Variants in PRSS12 observed in about 807,000 individuals in gnomAD.
The protein encoded by PRSS12 is neurotrypsin.
Under a neutral mutation model 104.4 loss-of-function variants are expected in PRSS12, and 85 were observed. The observed-to-expected ratio is 0.81, with a 90% CI of 0.68 to 0.98. The LOEUF (loss-of-function observed/expected upper bound fraction) is 0.98, where lower values mean the gene tolerates loss of function less well. Among genes scored for constraint, PRSS12 ranks in the 50% least tolerant of loss-of-function variants. PRSS12 has a pLI of 0.00. For synonymous variants in PRSS12, 454 were observed against 425.2 expected (o/e 1.07, Z -0.83); for missense variants, 1,141 against 1,139.2 (o/e 1.00, Z -0.02).
chr4:118,281,542 TAC>T lies in PRSS12; in HGVS notation c.*392_*393del. ...TGCCACTCATGAGTGTAGTAAAGGG[TAC>T]CGCATTTATGTCAAATGTGGGTATT... On this transcript the variant is annotated 3_prime_UTR_variant, in exon 13 of 13. Coordinates refer to ENST00000296498, the MANE Select transcript of PRSS12 (RefSeq NM_003619.4). 1 of 288,926 alleles carries T rather than the reference TAC, an allele frequency of 3.5e-6. No homozygotes were observed. The allele number at this position is 288,926 out of a possible 1,614,324, so 17.9% of individuals were successfully genotyped here.
At chr4:118,328,799 T>C (rs1374333831) in intron 4 of PRSS12, among the ~76,000 whole-genome samples, 2 of 152,094 alleles carry the variant, frequency 1.3e-5, no homozygotes, top group African/African-American at 4.8e-5. Flanking sequence ...AATTTTTTCT[T>C]TTTCCTTTTC....
Position 118,352,454 on chromosome 4 carries a change from G to A in PRSS12, c.267C>T (p.His89=). ...ALQAGHTPRP[H]PWGCPAGEPW... ...GCTCGCCGGCGGGGCAGCCCCAGGG[G>A]TGCGGCCGGGGCGTGTGCCCGGCCT... The change falls in exon 1 of 13, where the codon CAC becomes CAT. Residue 89 remains histidine, a synonymous_variant. Transcript: ENST00000296498. 3 of 1,433,554 alleles carry A rather than the reference G, an allele frequency of 2.1e-6. No homozygotes were observed. The highest frequency in any genetic ancestry group is 2.7e-6 in the Non-Finnish European group (3 of 1,100,102). The allele number at this position is 1,433,554 out of a possible 1,614,324, so 88.8% of individuals were successfully genotyped here.
intron 4 of PRSS12, among the ~76,000 whole-genome samples, chr4:118,319,203 G>A (rs1723539342): frequency 6.6e-6 from 1 of 152,096 alleles, no homozygotes; most frequent in Admixed American, 6.6e-5. Flanking sequence ...AGGAATACAG[G>A]TATATGCCAC....
intron 4 of PRSS12, among the ~76,000 whole-genome samples, chr4:118,324,509 AAATACATT>A (rs1191349831): frequency 6.6e-6 from 1 of 152,056 alleles, no homozygotes; most frequent in Non-Finnish European, 1.5e-5. Flanking sequence ...ATTGTGTTTC[AAATACATT>A]AATTATTACA....
Position 118,352,846 on chromosome 4 carries a change from G to T in PRSS12, c.-126C>A. On this transcript the variant is annotated 5_prime_UTR_variant, in exon 1 of 13. Coordinates refer to ENST00000296498, the MANE Select transcript of PRSS12 (RefSeq NM_003619.4). ...CCCCAGCCCCCTCCCGCCCCCGCAC[G>T]CGGACCGCCCTCGCCTCCCCAACCT... 1 of 1,487,274 alleles carries T rather than the reference G, an allele frequency of 6.7e-7. No homozygotes were observed. The highest frequency in any genetic ancestry group is 9.0e-7 in the Non-Finnish European group (1 of 1,116,744). 92.1% of individuals were successfully genotyped at this position (1,487,274 alleles called of 1,614,324 possible). A position where few individuals can be genotyped will look rare whatever the true frequency, so the allele number is the denominator to read the frequency against.
Position 118,318,407 on chromosome 4 carries a change from T to C in PRSS12, c.1121A>G (p.Asp374Gly). 3.7e-6 allele frequency: 6 copies of C among 1,614,088 alleles called. No individual in the cohort carries two copies. The highest frequency in any genetic ancestry group is 5.1e-6 in the Non-Finnish European group (6 of 1,179,984). Reference sequence around the variant, plus strand: ...TAGAGGGGTACAGGACACTCCAGCATCTTCTTTATGGCCACAGTTATGCTC... The same window carrying C: ...TAGAGGGGTACAGGACACTCCAGCACCTTCTTTATGGCCACAGTTATGCTC... Reference protein sequence around the residue: ...WGEHNCGHKEDAGVSCTPLTD... With the variant: ...WGEHNCGHKEGAGVSCTPLTD... Residue 374 changes from aspartate (D) to glycine (G), a missense_variant, in exon 5 of 13, where the codon GAT becomes GGT. By Grantham distance (94) the Asp-to-Gly change is moderately conservative. Transcript: ENST00000296498.
chr4:118,282,288 C>A (rs139610570), intron 12 of PRSS12, 45 bp from the exon 13 acceptor site: 1 of 1,606,272 alleles, frequency 6.2e-7, no homozygotes, highest in Admixed American at 1.7e-5. Context: ...AGATAACCAT[C>A]GCAACATTTA....
intron 1 of PRSS12, 30 bp from the exon 2 acceptor site, chr4:118,338,344 T>A (rs753031586): frequency 6.2e-7 from 1 of 1,612,892 alleles, no homozygotes; most frequent in South Asian, 1.1e-5. Flanking sequence ...CAAAACCCTT[T>A]AATAGTAAAT....
In PRSS12 at chr4:118,281,945, G is replaced by T; in HGVS notation, c.2619C>A (p.Thr873=). The change falls in exon 13 of 13, where the codon ACC becomes ACA. Residue 873 remains threonine, a synonymous_variant. Transcript: ENST00000296498. Reference sequence around the variant, plus strand: ...AAGTTTCCATGAAGAATTACAGTTTGGTGACACTTTTTATCCAAGGTACAA... The same window carrying T: ...AAGTTTCCATGAAGAATTACAGTTTTGTGACACTTTTTATCCAAGGTACAA... The part of the protein sequence containing the change: ...SAFVPWIKSV[T]KL The T allele has an allele frequency of 1.6e-6, 2 of 1,277,910 alleles. No individual in the cohort carries two copies. Among genetic ancestry groups the T allele is most frequent in the Non-Finnish European group, 2.3e-6 (2 of 872,624 alleles). The allele number at this position is 1,277,910 out of a possible 1,614,324, so 79.2% of individuals were successfully genotyped here. A position where few individuals can be genotyped will look rare whatever the true frequency, so the allele number is the denominator to read the frequency against.
intron 1 of PRSS12, among the ~76,000 whole-genome samples, chr4:118,348,842 G>C (rs1038921334): frequency 1.3e-5 from 2 of 151,996 alleles, no homozygotes; most frequent in Non-Finnish European, 2.9e-5. Flanking sequence ...GTAGAGACAG[G>C]GGTTTCTCCA....
chr4:118,327,481 G>A (rs1723804896), intron 4 of PRSS12, among the ~76,000 whole-genome samples: 1 of 152,046 alleles, frequency 6.6e-6, no homozygotes, highest in African/African-American at 2.4e-5. Context: ...TAATTTATAT[G>A]GGAAGAATTT....
chr4:118,349,004 G>GT (rs1363208600), intron 1 of PRSS12, among the ~76,000 whole-genome samples: 1 of 151,932 alleles, frequency 6.6e-6, no homozygotes, highest in Non-Finnish European at 1.5e-5. Flanking sequence ...CAGGGCCCAG[G>GT]TATCATGTTT....
chr4:118,331,025 T>G (rs933490402), intron 4 of PRSS12, among the ~76,000 whole-genome samples: 1 of 152,162 alleles, frequency 6.6e-6, no homozygotes, highest in African/African-American at 2.4e-5. Flanking sequence ...AATGATTAAC[T>G]AAATGAAATA....
Position 118,335,567 on chromosome 4 carries a change from A to T in PRSS12, c.726T>A (p.Asp242Glu). The T allele has an allele frequency of 6.2e-7, 1 of 1,614,118 alleles. No homozygotes were observed. The highest frequency in any genetic ancestry group is 8.5e-7 in the Non-Finnish European group (1 of 1,179,978). The change falls in exon 3 of 13, where the codon GAT becomes GAA. Residue 242 changes from aspartate to glutamate, a missense_variant. By Grantham distance (45) the Asp-to-Glu change is conservative. Coordinates refer to ENST00000296498, the MANE Select transcript of PRSS12 (RefSeq NM_003619.4). ...TTTCACAAAGCAGTATATTTTCTTC[A>T]TCTCCTCGGCAACGGACATTGCTCC... ...IYWSNVRCRG[D>E]EENILLCEKD...
At position 118,313,306 on chromosome 4, in the gene PRSS12, A is replaced by G. The variant is rs1743806310; in HGVS notation, c.1384T>C (p.Phe462Leu). Residue 462 changes from phenylalanine to leucine, a missense_variant, in exon 7 of 13, where the codon TTT becomes CTT. Phe to Leu is a conservative substitution (Grantham distance 22). Transcript: ENST00000296498. ...DVSCSGKETR[F>L]LQCSRRQWGR... The stretch of plus-strand genomic sequence containing the variant: ...CACTGTCGCCTGGAACACTGAAGAA[A>G]TCTGGTTTCCTTTCCTGAGCAGCTG... 1.2e-6 allele frequency: 2 copies of G among 1,613,952 alleles called. No individual in the cohort carries two copies. Among genetic ancestry groups the G allele is most frequent in the Non-Finnish European group, 1.7e-6 (2 of 1,180,012 alleles).
rs1743223269 is a variant in PRSS12 at position 118,295,056 on chromosome 4, C to A, written c.1922G>T (p.Gly641Val). 3.7e-6 allele frequency: 6 copies of A among 1,613,788 alleles called. No homozygotes were observed. The highest frequency in any genetic ancestry group is 1.3e-5 in the African/African-American group (1 of 74,900). The stretch of plus-strand genomic sequence containing the variant: ...CCGGAGGGAAACCTGCCAAGGCCAA[C>A]CACCCCTAAGAAGAAAATGAGCTAC... Reference protein sequence around the residue: ...IIGGKNSLRGGWPWQVSLRLK... With the variant: ...IIGGKNSLRGVWPWQVSLRLK... Residue 641 changes from glycine to valine, a missense_variant, in exon 11 of 13, where the codon GGT becomes GTT. Transcript: ENST00000296498.
intron 1 of PRSS12, among the ~76,000 whole-genome samples, chr4:118,350,349 G>C (rs541072870): frequency 1.3e-5 from 2 of 152,278 alleles, no homozygotes; most frequent in South Asian, 4.1e-4. Flanking sequence ...TTGAAATGTA[G>C]GACCAAGAGA....
At position 118,322,549 on chromosome 4, in the gene PRSS12, TAAAAA is replaced by T. The variant is rs11345468; in HGVS notation, c.972-3998_972-3994del. On this transcript the variant is annotated intron_variant, in intron 4 of 12. Transcript: ENST00000296498. The stretch of plus-strand genomic sequence containing the variant: ...TGGGTGACACAGCGAGACTCCATCT[TAAAAA>T]AAAAAAAAAAATTACAATAAATTAA... Among the ~76,000 whole-genome samples, 418 of 142,900 alleles carry T rather than the reference TAAAAA, an allele frequency of 2.9e-3. 2 individuals carry two copies. The highest frequency in any genetic ancestry group is 0.01 in the African/African-American group (401 of 38,810). The allele number at this position is 142,900 out of a possible 152,430, so 93.7% of individuals were successfully genotyped here.
chr4:118,314,703 C>A (rs984991363), intron 6 of PRSS12, among the ~76,000 whole-genome samples: 3 of 151,942 alleles, frequency 2.0e-5, no homozygotes, highest in Non-Finnish European at 2.9e-5. Context: ...TCATTTAGAG[C>A]TTTTTACACA....
Sources: allele counts gnomAD v4.1 joint callset (sites outside exome capture counted in the v4.1 genomes callset), GRCh38; gene constraint gnomAD v4.1.1; transcripts MANE v1.5; gene names NCBI Gene and HGNC (gene_info 2026-07-23, HGNC 2026-07-21).